The following ISCU variants were observed in gnomAD, a reference collection of about 807,000 sequenced individuals.
ISCU encodes the protein iron-sulfur cluster assembly enzyme ISCU.
ISCU carries 13 observed loss-of-function variants against 18.4 expected under a neutral mutation model. That is an observed-to-expected ratio of 0.71 (90% CI 0.46 to 1.12). ISCU has a LOEUF of 1.12. Ranked by LOEUF, ISCU falls within the 50% of genes most tolerant of loss-of-function variation. ISCU has a pLI of 0.00. For synonymous variants in ISCU, 104 were observed against 87.5 expected (o/e 1.19, Z -1.06); for missense variants, 229 against 208.7 (o/e 1.10, Z -0.60).
chr12:108,566,326 C>T (rs995943457), intron 3 of ISCU, among the ~76,000 whole-genome samples: 3 of 152,248 alleles, frequency 2.0e-5, no homozygotes, highest in Non-Finnish European at 4.4e-5. Flanking sequence ...CAGGAACTGT[C>T]CTCAGGTGAA....
intron 2 of ISCU, 54 bp from the exon 3 acceptor site, chr12:108,565,267 A>G: frequency 7.5e-7 from 1 of 1,336,840 alleles, no homozygotes; most frequent in Non-Finnish European, 1.1e-6. Context: ...CGTGAGTGCC[A>G]GGTTCCAGAG....
chr12:108,568,590 AG>A, intron 4 of ISCU: 1 of 1,390,650 alleles, frequency 7.2e-7, no homozygotes, highest in Non-Finnish European at 9.3e-7. Context: ...AAAGAGGCTA[AG>A]GAACTAGCCT....
chr12:108,569,040 G>T lies in ISCU; in HGVS notation c.*124G>T. 1.3e-6 allele frequency: 1 copy of T among 791,986 alleles called. No homozygotes were observed. The highest frequency in any genetic ancestry group is 2.1e-6 in the Non-Finnish European group (1 of 466,602). 49.1% of individuals were successfully genotyped at this position (791,986 alleles called of 1,614,324 possible). ...GAGCTATGAGATACGCACAATACTTGCTGTTCACGTTATGACTCTCATGCA... is the reference window on the plus strand; with the variant it reads ...GAGCTATGAGATACGCACAATACTTTCTGTTCACGTTATGACTCTCATGCA... On this transcript the variant is annotated 3_prime_UTR_variant, in exon 5 of 5. Transcript: ENST00000311893.
At chr12:108,564,092 A>C in intron 1 of ISCU, 187 bp from the exon 2 acceptor site, 2 of 1,612,398 alleles carry the variant, frequency 1.2e-6, no homozygotes, top group Non-Finnish European at 1.7e-6. Context: ...TGTAGAGGAG[A>C]CACAAAAGGA....
At chr12:108,563,565 C>T in intron 1 of ISCU, 1 of 193,218 alleles carries the variant, frequency 5.2e-6, no homozygotes, top group Admixed American at 5.3e-5. Flanking sequence ...GTAACCAAAC[C>T]TCAAGGTTAT....
intron 1 of ISCU, 148 bp downstream of exon 1, chr12:108,562,884 C>T (rs1402367233): frequency 1.2e-5 from 5 of 431,074 alleles, no homozygotes; most frequent in African/African-American, 4.1e-5. Context: ...CGCAGTGAGG[C>T]TCACTGCAAC....
Position 108,562,722 on chromosome 12 carries a change from C to A in ISCU, c.100C>A (p.Leu34Ile). ...CCGGGAGCTGTCGGCCCCGGCCCGACTCTATCACAAGAAGGTAGGGACAAA... is the reference window on the plus strand; with the variant it reads ...CCGGGAGCTGTCGGCCCCGGCCCGAATCTATCACAAGAAGGTAGGGACAAA... Reference protein sequence around the residue: ...PARELSAPARLYHKKVVDHYE... With the variant: ...PARELSAPARIYHKKVVDHYE... Residue 34 changes from leucine to isoleucine, a missense_variant, in exon 1 of 5, where the codon CTC becomes ATC. By Grantham distance (5) the Leu-to-Ile change is conservative. Coordinates refer to ENST00000311893, the MANE Select transcript of ISCU (RefSeq NM_213595.4). The A allele has an allele frequency of 1.3e-6, 2 of 1,487,160 alleles. No individual in the cohort carries two copies. The highest frequency in any genetic ancestry group is 8.9e-7 in the Non-Finnish European group (1 of 1,129,806). 92.1% of individuals were successfully genotyped at this position (1,487,160 alleles called of 1,614,324 possible). A position where few individuals can be genotyped will look rare whatever the true frequency, so the allele number is the denominator to read the frequency against.
At position 108,564,352 on chromosome 12, in the gene ISCU, T is replaced by C; in HGVS notation, c.188T>C (p.Leu63Pro). The C allele has an allele frequency of 6.2e-7, 1 of 1,614,142 alleles. No homozygotes were observed. Among genetic ancestry groups the C allele is most frequent in the Non-Finnish European group, 8.5e-7 (1 of 1,179,946 alleles). Reference protein sequence around the residue: ...DKTSKNVGTGLVGAPACGDVM... With the variant: ...DKTSKNVGTGPVGAPACGDVM... ...ACATCTAAAAATGTTGGAACTGGAC[T>C]GGTGGGGGCTCCAGCATGTGGTGAC... Residue 63 changes from leucine (L) to proline (P), a missense_variant, in exon 2 of 5, where the codon CTG becomes CCG. Physicochemically the swap from Leu to Pro is moderately conservative, Grantham distance 98. Coordinates refer to ENST00000311893, the MANE Select transcript of ISCU (RefSeq NM_213595.4).
Position 108,567,957 on chromosome 12 carries a change from G to A in ISCU, c.418+689G>A, listed in dbSNP as rs1046379934. 2.3e-5 allele frequency: 33 copies of A among 1,457,252 alleles called. No individual in the cohort carries two copies. Among genetic ancestry groups the A allele is most frequent in the Non-Finnish European group, 2.8e-5 (30 of 1,075,872 alleles). The allele number at this position is 1,457,252 out of a possible 1,614,324, so 90.3% of individuals were successfully genotyped here. ...TGAGAAACATTAGCCTTAATGCATCGATGGAGGTTTACTAACCAAATTAGT... is the reference window on the plus strand; with the variant it reads ...TGAGAAACATTAGCCTTAATGCATCAATGGAGGTTTACTAACCAAATTAGT... On this transcript the variant is annotated intron_variant, in intron 4 of 4. Transcript: ENST00000311893.
At position 108,562,677 on chromosome 12, in the gene ISCU, C is replaced by A. The variant is rs1445161770; in HGVS notation, c.55C>A (p.Arg19=). 1.4e-6 allele frequency: 2 copies of A among 1,452,298 alleles called. No individual in the cohort carries two copies. Among genetic ancestry groups the A allele is most frequent in the Admixed American group, 2.5e-5 (1 of 39,726 alleles). 90.0% of individuals were successfully genotyped at this position (1,452,298 alleles called of 1,614,324 possible). Residue 19 remains arginine (R), a synonymous_variant, in exon 1 of 5, where the codon CGG becomes AGG. Coordinates refer to ENST00000311893, the MANE Select transcript of ISCU (RefSeq NM_213595.4). ...GCGGGCGGCATCGGCTCTGCTGCTG[C>A]GGAGCCCCCGCCTGCCCGCCCGGGA... The part of the protein sequence containing the change: ...LRRAASALLL[R]SPRLPARELS...
chr12:108,567,165 C>T, intron 3 of ISCU, 25 bp from the exon 4 acceptor site: 1 of 1,576,524 alleles, frequency 6.3e-7, no homozygotes, highest in East Asian at 2.2e-5. Context: ...GCTAAAACTG[C>T]CCATCTTTCC....
intron 4 of ISCU, 83 bp from the exon 5 acceptor site, chr12:108,568,748 C>T: frequency 6.4e-7 from 1 of 1,552,734 alleles, no homozygotes; most frequent in South Asian, 1.2e-5. Flanking sequence ...GCACCACTTC[C>T]TCCCAGCTCT....
At chr12:108,564,443 A>G in intron 2 of ISCU, 51 bp downstream of exon 2, 3 of 1,274,432 alleles carry the variant, frequency 2.4e-6, no homozygotes, top group Non-Finnish European at 3.4e-6. Context: ...TTAAGTTTAC[A>G]AAGCACTTGC....
At chr12:108,567,333 A>G (rs774775352) in intron 4 of ISCU, 65 bp downstream of exon 4, 1 of 1,339,102 alleles carries the variant, frequency 7.5e-7, no homozygotes, top group Non-Finnish European at 1.1e-6. Flanking sequence ...TTGGTTTGCA[A>G]CAGTCCTTTT....
chr12:108,562,560 G>T (rs1183179052), upstream of ISCU: 6 of 966,832 alleles, frequency 6.2e-6, no homozygotes, highest in African/African-American at 5.1e-5. Flanking sequence ...GCTCGGAGCC[G>T]ACTCGCAGAC....
At chr12:108,563,629 C>CCCTTTCT in intron 1 of ISCU, 1 of 241,834 alleles carries the variant, frequency 4.1e-6, no homozygotes, top group Non-Finnish European at 8.2e-6. Flanking sequence ...CTGGCTTCTG[C>CCCTTTCT]CCTTTCTCCA....
At position 108,568,838 on chromosome 12, in the gene ISCU, T is replaced by C. The variant is rs753604631; in HGVS notation, c.426T>C (p.Ala142=). ...TCCTTCCGTTACTTCCAGTGCTGGC[T>C]GAAGATGCAATCAAGGCCGCCCTGG... is the stretch of plus-strand genomic sequence containing the variant. The part of the protein sequence containing the change: ...PPVKLHCSML[A]EDAIKAALAD... The change falls in exon 5 of 5, where the codon GCT becomes GCC. Residue 142 remains alanine (A), a synonymous_variant. Transcript: ENST00000311893. 4.3e-6 allele frequency: 7 copies of C among 1,613,176 alleles called. No homozygotes were observed. Among genetic ancestry groups the C allele is most frequent in the Non-Finnish European group, 5.9e-6 (7 of 1,179,674 alleles).
upstream of ISCU, among the ~76,000 whole-genome samples, chr12:108,561,845 A>T (rs974152606): frequency 1.3e-5 from 2 of 151,772 alleles, no homozygotes; most frequent in African/African-American, 2.4e-5. Flanking sequence ...AGACATATTC[A>T]TTTTTTTTCA....
At chr12:108,563,994 G>A in intron 1 of ISCU, 2 of 1,080,946 alleles carry the variant, frequency 1.9e-6, no homozygotes, top group Non-Finnish European at 2.9e-6. Context: ...GTGGGTGAAA[G>A]TCAAGTATTT....
Sources: gnomAD v4.1 joint callset for allele counts (sites outside exome capture counted in the v4.1 genomes callset) on GRCh38, gnomAD v4.1.1 for gene constraint, MANE v1.5 for transcripts, NCBI Gene and HGNC (gene_info 2026-07-23, HGNC 2026-07-21) for gene names.